The following GRIP1 variants were observed in gnomAD, a reference collection of about 807,000 sequenced individuals.
GRIP1 encodes glutamate receptor-interacting protein 1.
Under a neutral mutation model 129.9 loss-of-function variants are expected in GRIP1, and 45 were observed. The observed-to-expected ratio is 0.35, with a 90% CI of 0.27 to 0.44. The LOEUF (loss-of-function observed/expected upper bound fraction) is 0.44. Ranked by LOEUF, GRIP1 falls within the 20% of genes least tolerant of loss-of-function variation. The probability of loss-of-function intolerance (pLI) is 1.00; values close to 1 mark genes in which losing one functional copy is unlikely to be tolerated. For missense variants in GRIP1, 1,196 were observed against 1,396.8 expected (o/e 0.86, Z 2.29); for synonymous variants, 530 against 520.8 (o/e 1.02, Z -0.24).
intron 7 of GRIP1, among the ~76,000 whole-genome samples, chr12:66,510,556 T>C (rs1467446351): frequency 6.6e-6 from 1 of 152,200 alleles, no homozygotes. Context: ...GAACTCTTAA[T>C]TTTTCTTCAA....
At chr12:66,376,129 T>C in intron 22 of GRIP1, among the ~76,000 whole-genome samples, 1 of 152,250 alleles carries the variant, frequency 6.6e-6, no homozygotes, top group South Asian at 2.1e-4. Context: ...TTAACTGTGC[T>C]CTGAAGCTGC....
In GRIP1 at chr12:66,353,460, G is replaced by A; in HGVS notation, c.3116C>T (p.Pro1039Leu). 1 of 1,612,396 alleles carries A rather than the reference G, an allele frequency of 6.2e-7. No individual in the cohort carries two copies. Among genetic ancestry groups the A allele is most frequent in the Non-Finnish European group, 8.5e-7 (1 of 1,178,474 alleles). The change falls in exon 24 of 25, where the codon CCA (proline) becomes CTA (leucine). Residue 1039 changes from proline to leucine, a missense_variant. Transcript: ENST00000359742. The stretch of plus-strand genomic sequence containing the variant: ...GGGCTTTAAGCCACCAAGATCTCCT[G>A]GCCCAGCTGGGCGAATATTTTTGAC... ...VYVKNIRPAG[P>L]GDLGGLKPYD...
chr12:67,063,884 T>A (rs2043577758), intron 1 of GRIP1, among the ~76,000 whole-genome samples: 1 of 152,228 alleles, frequency 6.6e-6, no homozygotes, highest in South Asian at 2.1e-4. Flanking sequence ...AGATTTTGGC[T>A]TTAATTAAAT....
At chr12:66,766,111 C>A (rs938662087) in intron 1 of GRIP1, among the ~76,000 whole-genome samples, 5 of 152,158 alleles carry the variant, frequency 3.3e-5, no homozygotes, top group South Asian at 2.1e-4. Context: ...TAAAGCTCAT[C>A]CACACTGTGA....
At chr12:66,453,010 A>G (rs1307288909) in intron 11 of GRIP1, among the ~76,000 whole-genome samples, 1 of 152,220 alleles carries the variant, frequency 6.6e-6, no homozygotes, top group African/African-American at 2.4e-5. Flanking sequence ...TGGTATGTTT[A>G]TTGTGAGTGG....
chr12:66,894,557 C>T (rs1033617635), intron 1 of GRIP1, among the ~76,000 whole-genome samples: 7 of 152,178 alleles, frequency 4.6e-5, no homozygotes, highest in Non-Finnish European at 8.8e-5. Context: ...TCTTCTGTAT[C>T]CCAGTGTGTG....
At chr12:66,761,828 A>C (rs1185925575) in intron 1 of GRIP1, among the ~76,000 whole-genome samples, 1 of 152,180 alleles carries the variant, frequency 6.6e-6, no homozygotes, top group Non-Finnish European at 1.5e-5. Context: ...TCTGTGTTTC[A>C]TTAAGCAACT....
At chr12:66,827,084 A>C (rs2039427057) in intron 1 of GRIP1, among the ~76,000 whole-genome samples, 1 of 152,148 alleles carries the variant, frequency 6.6e-6, no homozygotes, top group Admixed American at 6.6e-5. Context: ...TGTCACATAA[A>C]AATATTACTA....
At chr12:67,061,861 G>A (rs1022962625) in intron 1 of GRIP1, among the ~76,000 whole-genome samples, 2 of 151,868 alleles carry the variant, frequency 1.3e-5, no homozygotes, top group African/African-American at 4.8e-5. Context: ...TTGACCGGTG[G>A]AGTGAGGCAA....
chr12:66,751,295 C>T (rs1488617864), intron 1 of GRIP1, among the ~76,000 whole-genome samples: 3 of 152,044 alleles, frequency 2.0e-5, no homozygotes, highest in Non-Finnish European at 4.4e-5. Flanking sequence ...AAAACTAAGA[C>T]AGATAGAGGA....
chr12:67,053,845 A>T (rs948253454), intron 1 of GRIP1, among the ~76,000 whole-genome samples: 3 of 152,034 alleles, frequency 2.0e-5, no homozygotes, highest in Admixed American at 6.5e-5. Context: ...CTCAAAAAAA[A>T]AAAAATAAAT....
chr12:66,420,091 C>T (rs967538159), intron 15 of GRIP1, among the ~76,000 whole-genome samples: 5 of 151,614 alleles, frequency 3.3e-5, no homozygotes, highest in South Asian at 2.1e-4. Context: ...AGGTGACACT[C>T]GGTCTCAAAA....
chr12:66,418,200 C>T (rs2057678205), intron 15 of GRIP1, among the ~76,000 whole-genome samples: 1 of 152,104 alleles, frequency 6.6e-6, no homozygotes, highest in Non-Finnish European at 1.5e-5. Flanking sequence ...AAGACAGTCT[C>T]TTCAACAAAT....
intron 1 of GRIP1, among the ~76,000 whole-genome samples, chr12:66,752,046 TCACTGG>T (rs1201836098): frequency 3.9e-5 from 6 of 152,206 alleles, no homozygotes; most frequent in African/African-American, 1.4e-4. Context: ...ATTATCATTC[TCACTGG>T]CAGGACCTCA....
intron 1 of GRIP1, among the ~76,000 whole-genome samples, chr12:66,950,050 A>T (rs2137486379): frequency 6.6e-6 from 1 of 152,266 alleles, no homozygotes; most frequent in Middle Eastern, 3.4e-3. Flanking sequence ...TGCTGGGATT[A>T]TAGGCGTGAG....
intron 1 of GRIP1, among the ~76,000 whole-genome samples, chr12:66,607,643 T>C (rs771568332): frequency 2.6e-5 from 4 of 152,266 alleles, no homozygotes; most frequent in Middle Eastern, 3.4e-3. Flanking sequence ...TGAGTCTGCC[T>C]TTCCTTACCC....
chr12:66,382,662 A>T (rs1249044110), intron 19 of GRIP1, among the ~76,000 whole-genome samples: 1 of 152,204 alleles, frequency 6.6e-6, no homozygotes, highest in Non-Finnish European at 1.5e-5. Context: ...CAAGGAAAAG[A>T]GGTAAGTCTC....
intron 1 of GRIP1, among the ~76,000 whole-genome samples, chr12:66,861,339 C>T (rs2040108726): frequency 6.6e-6 from 1 of 152,114 alleles, no homozygotes; most frequent in Admixed American, 6.6e-5. Context: ...CCACACAGTG[C>T]CATCTGCTGG....
At chr12:66,660,546 T>C (rs1049808079) in intron 1 of GRIP1, among the ~76,000 whole-genome samples, 5 of 152,164 alleles carry the variant, frequency 3.3e-5, no homozygotes, top group Non-Finnish European at 7.4e-5. Flanking sequence ...AATTACAACA[T>C]CTTCAACATT....
Sources: gnomAD v4.1 joint callset for allele counts (sites outside exome capture counted in the v4.1 genomes callset) on GRCh38, gnomAD v4.1.1 for gene constraint, MANE v1.5 for transcripts, NCBI Gene and HGNC (gene_info 2026-07-23, HGNC 2026-07-21) for gene names.